NSG2: variants seen among roughly 807,000 people sequenced by gnomAD.
NSG2 encodes neuronal vesicle trafficking associated 2.
NSG2 carries 4 observed loss-of-function variants against 16.9 expected under a neutral mutation model. The observed-to-expected ratio is 0.24, with a 90% confidence interval of 0.12 to 0.54. NSG2 has a LOEUF of 0.54. NSG2 is among the 20% of genes least tolerant of loss of function. The pLI is 0.95. For missense variants in NSG2, 179 were observed against 221.1 expected, an observed-to-expected ratio of 0.81 and a Z score of 1.21; for synonymous variants, 98 against 88.7, an observed-to-expected ratio of 1.11 and a Z score of -0.59.
intron 3 of NSG2, among the ~76,000 whole-genome samples, chr5:174,066,548 C>G (rs1760142509): frequency 6.6e-6 from 1 of 152,088 alleles, no homozygotes; most frequent in Admixed American, 6.5e-5. Context: ...TTTTTTCCCT[C>G]AGAGAGTAGT....
intron 3 of NSG2, among the ~76,000 whole-genome samples, chr5:174,100,878 G>A (rs769439258): frequency 2.0e-5 from 3 of 152,230 alleles, no homozygotes; most frequent in Non-Finnish European, 2.9e-5. Flanking sequence ...GTCTGGGCAC[G>A]TCCATACCCA....
At chr5:174,089,711 C>T (rs550062794) in intron 3 of NSG2, among the ~76,000 whole-genome samples, 1 of 152,272 alleles carries the variant, frequency 6.6e-6, no homozygotes, top group African/African-American at 2.4e-5. Context: ...ACTCCCTGGG[C>T]TCAAGTGATC....
At chr5:174,057,330 T>A (rs1759981020) in intron 2 of NSG2, among the ~76,000 whole-genome samples, 1 of 152,226 alleles carries the variant, frequency 6.6e-6, no homozygotes, top group Admixed American at 6.5e-5. Context: ...CCTGTCTTGT[T>A]CTCTTTGCCT....
intron 3 of NSG2, among the ~76,000 whole-genome samples, chr5:174,071,446 C>T (rs1249728576): frequency 6.6e-6 from 1 of 152,164 alleles, no homozygotes; most frequent in African/African-American, 2.4e-5. Flanking sequence ...GAGATCGCAC[C>T]ACTGCACTCC....
At chr5:174,089,721 C>A (rs1219812995) in intron 3 of NSG2, among the ~76,000 whole-genome samples, 1 of 152,118 alleles carries the variant, frequency 6.6e-6, no homozygotes, top group Non-Finnish European at 1.5e-5. Flanking sequence ...CTCAAGTGAT[C>A]CTCCCAGCTC....
chr5:174,061,897 C>T (rs906778334), intron 2 of NSG2, among the ~76,000 whole-genome samples: 42 of 148,942 alleles, frequency 2.8e-4, no homozygotes, highest in African/African-American at 9.7e-4. Flanking sequence ...GCCACTGTGC[C>T]GAGCCCCCAA....
rs575832899 is a variant in NSG2, at chr5:174,085,761, C to G, written c.214-18467C>G. ...ATTGACAAGTTTGCGGATGAAAGCT[C>G]CACATCCCAGGCCAGAGGAAGGCCT... is the stretch of plus-strand genomic sequence containing the variant. On this transcript the variant is annotated intron_variant, in intron 3 of 4. Transcript: ENST00000303177. 2.0e-5 allele frequency among the ~76,000 whole-genome samples: 3 copies of G among 152,296 alleles called. No homozygotes were observed. In the East Asian group the frequency reaches 5.8e-4, roughly 29 times the overall value.
intron 2 of NSG2, among the ~76,000 whole-genome samples, chr5:174,048,553 T>C (rs1157899065): frequency 1.3e-5 from 2 of 152,172 alleles, no homozygotes; most frequent in Non-Finnish European, 2.9e-5. Context: ...GGGAGAGATA[T>C]TCTCTTGGGG....
chr5:174,100,783 C>T (rs973465646), intron 3 of NSG2, among the ~76,000 whole-genome samples: 3 of 152,236 alleles, frequency 2.0e-5, no homozygotes, highest in African/African-American at 7.2e-5. Context: ...GGGAACCTGT[C>T]CCACAGGCAG....
At chr5:174,076,918 T>G (rs1037048479) in intron 3 of NSG2, among the ~76,000 whole-genome samples, 4 of 152,208 alleles carry the variant, frequency 2.6e-5, no homozygotes, top group African/African-American at 9.6e-5. Flanking sequence ...GCATGTTCGC[T>G]GGGTCTAAAA....
intron 2 of NSG2, among the ~76,000 whole-genome samples, chr5:174,063,353 T>C (rs1760082371): frequency 6.6e-6 from 1 of 152,132 alleles, no homozygotes; most frequent in African/African-American, 2.4e-5. Flanking sequence ...TGACAGCATA[T>C]CTTGATAAGA....
At chr5:174,058,450 CAAA>C (rs950619975) in intron 2 of NSG2, among the ~76,000 whole-genome samples, 3 of 151,964 alleles carry the variant, frequency 2.0e-5, no homozygotes, top group Admixed American at 1.3e-4. Flanking sequence ...AACAAAGAAA[CAAA>C]AAAACCAATG....
chr5:174,065,059 C>T (rs939870614), intron 3 of NSG2, among the ~76,000 whole-genome samples: 6 of 151,766 alleles, frequency 4.0e-5, no homozygotes, highest in South Asian at 2.1e-4. Flanking sequence ...CCGGGCACGG[C>T]GGCTCACGCC....
At chr5:174,057,644 T>A (rs932118947) in intron 2 of NSG2, among the ~76,000 whole-genome samples, 1 of 152,226 alleles carries the variant, frequency 6.6e-6, no homozygotes, top group African/African-American at 2.4e-5. Context: ...CGTTTTCTCA[T>A]TTATAATCAT....
intron 3 of NSG2, among the ~76,000 whole-genome samples, chr5:174,066,924 A>G (rs925051947): frequency 2.0e-4 from 27 of 132,472 alleles, no homozygotes; most frequent in Admixed American, 6.7e-4. Context: ...CGGGAGGCGG[A>G]GCTTGCAGTG....
intron 3 of NSG2, among the ~76,000 whole-genome samples, chr5:174,067,601 T>C (rs1263619393): frequency 6.6e-6 from 1 of 152,238 alleles, no homozygotes; most frequent in Non-Finnish European, 1.5e-5. Flanking sequence ...GCAGATTCTC[T>C]TATGCTTATG....
intron 3 of NSG2, among the ~76,000 whole-genome samples, chr5:174,102,211 C>T (rs1760905343): frequency 6.6e-6 from 1 of 152,174 alleles, no homozygotes; most frequent in Non-Finnish European, 1.5e-5. Context: ...TCCCGACATC[C>T]ATCTTCCTCT....
intron 3 of NSG2, among the ~76,000 whole-genome samples, chr5:174,099,309 C>T (rs969233439): frequency 2.0e-5 from 3 of 152,182 alleles, no homozygotes; most frequent in South Asian, 2.1e-4. Context: ...TGGAACTCGC[C>T]GGCCTGAGCC....
chr5:174,100,298 C>G (rs968259870), intron 3 of NSG2, among the ~76,000 whole-genome samples: 1 of 152,248 alleles, frequency 6.6e-6, no homozygotes, highest in African/African-American at 2.4e-5. Flanking sequence ...TCGAAACATG[C>G]TGAGGCCTGG....
Sources: allele counts gnomAD v4.1 joint callset (sites outside exome capture counted in the v4.1 genomes callset), GRCh38; gene constraint gnomAD v4.1.1; transcripts MANE v1.5; gene names NCBI Gene and HGNC (gene_info 2026-07-23, HGNC 2026-07-21).